C2orf49: variants seen among roughly 807,000 people sequenced by gnomAD.
C2orf49 encodes tRNA splicing ligase complex subunit 2.
A neutral mutation model predicts 20.6 loss-of-function variants in C2orf49; 11 were observed. The observed-to-expected ratio is 0.53, with a 90% CI of 0.34 to 0.88. C2orf49 has a LOEUF of 0.88. C2orf49 is among the 40% of genes least tolerant of loss of function. The pLI is 0.02. For missense variants in C2orf49, 289 were observed against 274.2 expected (o/e 1.05, Z -0.38); for synonymous variants, 134 against 108.5 (o/e 1.24, Z -1.46).
chr2:105,345,156 G>T (rs1679778387), intron 3 of C2orf49, among the ~76,000 whole-genome samples, 159 bp from the exon 4 acceptor site: 1 of 152,126 alleles, frequency 6.6e-6, no homozygotes, highest in East Asian at 1.9e-4. Flanking sequence ...CACAGAGCTA[G>T]AGAACTCACC....
At chr2:105,357,327 TCTA>T in the C2orf49 span, among the ~76,000 whole-genome samples, 3 of 152,206 alleles carry the variant, frequency 2.0e-5, no homozygotes, top group African/African-American at 7.2e-5. Context: ...CTAACTCAAA[TCTA>T]CTACTGAGCC....
chr2:105,376,377 C>A, the C2orf49 span: 1 of 152,176 alleles, frequency 6.6e-6, no homozygotes, highest in African/African-American at 2.4e-5. Flanking sequence ...AATCCAGAAA[C>A]GACCAAACTC....
the C2orf49 span, chr2:105,367,873 C>CT: frequency 1.2e-6 from 1 of 813,370 alleles, no homozygotes. Flanking sequence ...GAAGGCTCGC[C>CT]TCTACATGGA....
the C2orf49 span, chr2:105,378,985 A>G: frequency 1.2e-4 from 19 of 152,162 alleles, no homozygotes; most frequent in African/African-American, 4.6e-4. Context: ...ATGAGGTCCC[A>G]CAGTCCACAT....
At chr2:105,376,267 C>A in the C2orf49 span, 1 of 152,200 alleles carries the variant, frequency 6.6e-6, no homozygotes, top group African/African-American at 2.4e-5. Flanking sequence ...AAGTTATTTC[C>A]ACTGAACCAG....
chr2:105,348,959 A>G lies in C2orf49; in HGVS notation c.*3588A>G, dbSNP rs1180706514. On this transcript the variant is annotated 3_prime_UTR_variant, in exon 4 of 4. Coordinates refer to ENST00000258457, the MANE Select transcript of C2orf49 (RefSeq NM_024093.3). ...CTTCTTTGAATGAGAGGGTGGCTGG[A>G]GTGGTCTGGTGCTGGGATATCACGG... is the stretch of plus-strand genomic sequence containing the variant. 2 of 152,106 alleles carry G rather than the reference A, an allele frequency of 1.3e-5. No homozygotes were observed. The highest frequency in any genetic ancestry group is 2.9e-5 in the Non-Finnish European group (2 of 67,998). The allele number at this position is 152,106 out of a possible 1,614,324, so 9.4% of individuals were successfully genotyped here. A position where few individuals can be genotyped will look rare whatever the true frequency, so the allele number is the denominator to read the frequency against.
At chr2:105,341,321 G>T (rs1679663287) in intron 2 of C2orf49, among the ~76,000 whole-genome samples, 1 of 152,176 alleles carries the variant, frequency 6.6e-6, no homozygotes, top group Non-Finnish European at 1.5e-5. Flanking sequence ...TTTTGGAAAG[G>T]ATCTTTGACT....
At chr2:105,371,402 A>C in the C2orf49 span, among the ~76,000 whole-genome samples, 1 of 152,124 alleles carries the variant, frequency 6.6e-6, no homozygotes, top group African/African-American at 2.4e-5. Flanking sequence ...ACCCTGCCTG[A>C]GTTTCCAGCC....
At chr2:105,361,087 G>A in the C2orf49 span, 2 of 477,552 alleles carry the variant, frequency 4.2e-6, no homozygotes, top group Admixed American at 3.9e-5. Flanking sequence ...AGGGCCTAGG[G>A]CGAGTTTTCT....
the C2orf49 span, among the ~76,000 whole-genome samples, chr2:105,366,191 CAG>C: frequency 6.6e-6 from 1 of 150,420 alleles, no homozygotes. Context: ...GCCTGGGCGA[CAG>C]TGTGAGATTC....
downstream of C2orf49, among the ~76,000 whole-genome samples, chr2:105,351,605 T>G (rs965476458): frequency 1.3e-5 from 2 of 152,342 alleles, no homozygotes; most frequent in African/African-American, 2.4e-5. Context: ...CATTGAAAGC[T>G]CTTTCAGTTC....
chr2:105,338,229 G>T (rs1236086726), intron 1 of C2orf49, among the ~76,000 whole-genome samples: 1 of 152,178 alleles, frequency 6.6e-6, no homozygotes, highest in East Asian at 1.9e-4. Context: ...TGTGGCCTCT[G>T]ATAATAGGAG....
the C2orf49 span, among the ~76,000 whole-genome samples, chr2:105,380,008 A>G: frequency 1.3e-5 from 2 of 152,344 alleles, no homozygotes; most frequent in African/African-American, 4.8e-5. Context: ...TGTTGTCTTT[A>G]GAAGTCTGAG....
downstream of C2orf49, among the ~76,000 whole-genome samples, chr2:105,349,635 A>T (rs1357352650): frequency 1.3e-5 from 2 of 152,234 alleles, no homozygotes. Flanking sequence ...AACAAGGCAG[A>T]TTAAGTACTT....
At chr2:105,373,697 A>G in the C2orf49 span, 14 of 1,614,092 alleles carry the variant, frequency 8.7e-6, no homozygotes, top group Admixed American at 2.2e-4. Context: ...CAGTGGAAAC[A>G]GGCTTCATGC....
the C2orf49 span, chr2:105,361,242 C>A: frequency 3.2e-6 from 5 of 1,583,364 alleles, no homozygotes; most frequent in Non-Finnish European, 4.3e-6. Context: ...ACATAAAAAT[C>A]TGTGTGTGAG....
downstream of C2orf49, among the ~76,000 whole-genome samples, chr2:105,349,434 G>T (rs556354491): frequency 6.6e-6 from 1 of 152,126 alleles, no homozygotes; most frequent in Admixed American, 6.5e-5. Context: ...CATTTTTTTT[G>T]TCTGGACAGA....
the C2orf49 span, among the ~76,000 whole-genome samples, chr2:105,377,295 A>C: frequency 6.6e-6 from 1 of 152,216 alleles, no homozygotes; most frequent in East Asian, 1.9e-4. Flanking sequence ...TAAGAAGGTA[A>C]GTGTGATGTT....
chr2:105,367,698 T>A, the C2orf49 span: 5 of 1,614,096 alleles, frequency 3.1e-6, no homozygotes, highest in African/African-American at 6.7e-5. Flanking sequence ...ATGAAGCAGG[T>A]CTCATGCCAG....
Sources: gnomAD v4.1 joint callset for allele counts (sites outside exome capture counted in the v4.1 genomes callset) on GRCh38, gnomAD v4.1.1 for gene constraint, MANE v1.5 for transcripts, NCBI Gene and HGNC (gene_info 2026-07-23, HGNC 2026-07-21) for gene names.